The following NSD3 variants were observed in gnomAD, a reference collection of about 807,000 sequenced individuals.
NSD3 encodes histone-lysine N-methyltransferase NSD3.
Under a neutral mutation model 160.8 loss-of-function variants are expected in NSD3, and 24 were observed. That is an observed-to-expected ratio of 0.15 (90% CI 0.11 to 0.21). The LOEUF (loss-of-function observed/expected upper bound fraction) is 0.21. NSD3 is among the 10% of genes least tolerant of loss of function. The pLI is 1.00. For missense variants in NSD3, 1,157 were observed against 1,735.9 expected (o/e 0.67, Z 5.93); for synonymous variants, 520 against 600.0 (o/e 0.87, Z 1.95).
In NSD3 at chr8:38,370,137, C is replaced by T. The variant is rs191588719; in HGVS notation, c.-45+11662G>A. 3.0e-3 allele frequency among the ~76,000 whole-genome samples: 462 copies of T among 152,082 alleles called. 1 individual carries two copies. The highest frequency in any genetic ancestry group is 5.7e-3 in the Non-Finnish European group (385 of 67,996). Reference sequence around the variant, plus strand: ...AAAATGTTTTGTTAAACGGCTTAAGCGAACATAACAAAAGAACAACTTTCG... The same window carrying T: ...AAAATGTTTTGTTAAACGGCTTAAGTGAACATAACAAAAGAACAACTTTCG... On this transcript the variant is annotated intron_variant, in intron 1 of 23. Transcript: ENST00000317025.
intron 17 of NSD3, among the ~76,000 whole-genome samples, chr8:38,290,150 A>C (rs1316977352): frequency 1.3e-5 from 2 of 152,048 alleles, no homozygotes; most frequent in Non-Finnish European, 2.9e-5. Context: ...CTGGAGTTCA[A>C]GGCTGCAGTG....
intron 1 of NSD3, among the ~76,000 whole-genome samples, chr8:38,348,693 ACT>A (rs569335573): frequency 3.0e-4 from 46 of 152,040 alleles, no homozygotes; most frequent in Middle Eastern, 3.4e-3. Context: ...ACAGAATCTC[ACT>A]CTGTCACCCA....
intron 19 of NSD3, among the ~76,000 whole-genome samples, chr8:38,283,076 TC>T (rs1326929549): frequency 6.6e-6 from 1 of 152,202 alleles, no homozygotes; most frequent in Admixed American, 6.5e-5. Context: ...ATCGTTATGT[TC>T]CCACCAGCAG....
chr8:38,316,568 A>G lies in NSD3; in HGVS notation c.1856-526T>C, dbSNP rs1436096137. 9 of 1,050,184 alleles carry G rather than the reference A, an allele frequency of 8.6e-6. No homozygotes were observed. The highest frequency in any genetic ancestry group is 1.0e-5 in the Non-Finnish European group (9 of 869,856). The allele number at this position is 1,050,184 out of a possible 1,614,324, so 65.1% of individuals were successfully genotyped here. A position where few individuals can be genotyped will look rare whatever the true frequency, so the allele number is the denominator to read the frequency against. ...ATTATTGCCCCCCAATAAAATTTGG[A>G]TGTTCATAATTGTTCATCTGAGACT... On this transcript the variant is annotated intron_variant, in intron 9 of 23. Coordinates refer to ENST00000317025, the MANE Select transcript of NSD3 (RefSeq NM_023034.2). The surrounding 1 kb of genome is among the most constrained non-coding windows in gnomAD (Gnocchi z 4.5).
intron 7 of NSD3, among the ~76,000 whole-genome samples, chr8:38,322,036 C>T (rs1453605743): frequency 6.6e-6 from 1 of 152,104 alleles, no homozygotes; most frequent in African/African-American, 2.4e-5. Flanking sequence ...GTTTTCAGTG[C>T]CTGGACCACC....
Position 38,321,011 on chromosome 8 carries a change from G to A in NSD3, c.1809+61C>T, listed in dbSNP as rs781686109. The A allele has an allele frequency of 1.4e-6, 2 of 1,475,880 alleles. No homozygotes were observed. The highest frequency in any genetic ancestry group is 1.7e-5 in the Admixed American group (1 of 58,928). The allele number at this position is 1,475,880 out of a possible 1,614,324, so 91.4% of individuals were successfully genotyped here. On this transcript the variant is annotated intron_variant, in intron 8 of 23. Transcript: ENST00000317025. The surrounding 1 kb of genome is among the most constrained non-coding windows in gnomAD (Gnocchi z 4.7). ...AAAGTTTCTCTTTCTTTTAAGACAG[G>A]AATGTAAGCCACAACATTTACAAAT... is the stretch of plus-strand genomic sequence containing the variant.
chr8:38,356,385 C>G (rs1810824619), intron 1 of NSD3, among the ~76,000 whole-genome samples: 1 of 151,898 alleles, frequency 6.6e-6, no homozygotes, highest in Non-Finnish European at 1.5e-5. Context: ...AATCCTTAAG[C>G]CAAATCACAG....
intron 16 of NSD3, among the ~76,000 whole-genome samples, chr8:38,293,532 G>C (rs1809058271): frequency 6.6e-6 from 1 of 151,890 alleles, no homozygotes; most frequent in South Asian, 2.1e-4. Context: ...CCTGGCAACA[G>C]AGCGAGACCC....
chr8:38,290,413 G>T (rs559386773), intron 17 of NSD3, 62 bp downstream of exon 17: 136 of 1,525,302 alleles, frequency 8.9e-5, no homozygotes, highest in Non-Finnish European at 1.2e-4. Context: ...GAGGTGAGGA[G>T]ATGTTGAGAA....
intron 1 of NSD3, among the ~76,000 whole-genome samples, chr8:38,351,044 C>G (rs1372513807): frequency 1.3e-5 from 2 of 150,888 alleles, no homozygotes; most frequent in Non-Finnish European, 3.0e-5. Flanking sequence ...CAATCTTAGC[C>G]CACTGCAAGC....
chr8:38,279,586 A>G lies in NSD3; in HGVS notation c.3714T>C (p.Asn1238=). The part of the protein sequence containing the change: ...PNCETQKWTV[N]GDVRVGLFAL... Reference sequence around the variant, plus strand: ...CAAATAGTCCCACTCGAACATCTCCATTCACTGTCCACTTTTGTGTTTCAC... The same window carrying G: ...CAAATAGTCCCACTCGAACATCTCCGTTCACTGTCCACTTTTGTGTTTCAC... The change falls in exon 21 of 24, where the codon AAT becomes AAC. Residue 1238 remains asparagine, a synonymous_variant. Coordinates refer to ENST00000317025, the MANE Select transcript of NSD3 (RefSeq NM_023034.2). 1 of 1,614,118 alleles carries G rather than the reference A, an allele frequency of 6.2e-7. No individual in the cohort carries two copies. Among genetic ancestry groups the G allele is most frequent in the Non-Finnish European group, 8.5e-7 (1 of 1,179,994 alleles).
chr8:38,373,082 A>G (rs1811296662), intron 1 of NSD3, among the ~76,000 whole-genome samples: 1 of 152,026 alleles, frequency 6.6e-6, no homozygotes, highest in Admixed American at 6.6e-5. Flanking sequence ...GAAAAAAAGA[A>G]AAAAGAAAAA....
intron 4 of NSD3, among the ~76,000 whole-genome samples, chr8:38,333,978 C>T (rs1168390531): frequency 6.6e-6 from 1 of 152,166 alleles, no homozygotes; most frequent in Admixed American, 6.5e-5. Flanking sequence ...GAAAGCAACA[C>T]AGGAGATTCA....
intron 14 of NSD3, among the ~76,000 whole-genome samples, chr8:38,300,491 A>C (rs1369777962): frequency 1.3e-5 from 2 of 152,216 alleles, no homozygotes; most frequent in Non-Finnish European, 2.9e-5. Flanking sequence ...TAAAGGAGCC[A>C]TAATTTCCTG....
intron 12 of NSD3, 75 bp from the exon 13 acceptor site, chr8:38,305,520 C>A: frequency 7.0e-7 from 1 of 1,423,486 alleles, no homozygotes; most frequent in Admixed American, 1.9e-5. Flanking sequence ...CTACAGACAT[C>A]AAACAGCTAC....
chr8:38,366,063 A>G (rs1201522325), intron 1 of NSD3, among the ~76,000 whole-genome samples: 1 of 148,102 alleles, frequency 6.8e-6, no homozygotes, highest in Non-Finnish European at 1.5e-5. Flanking sequence ...GTGGGCCAAG[A>G]TCGCACCTCT....
intron 1 of NSD3, among the ~76,000 whole-genome samples, chr8:38,348,416 T>C (rs1179202836): frequency 9.2e-5 from 14 of 152,224 alleles, no homozygotes. Flanking sequence ...GCTTATCTGT[T>C]TGAAACTCCT....
intron 3 of NSD3, 43 bp downstream of exon 3, chr8:38,338,493 T>C: frequency 6.7e-7 from 1 of 1,497,848 alleles, no homozygotes; most frequent in Non-Finnish European, 9.3e-7. Context: ...TTTCACCTTC[T>C]TCCACCATAT....
intron 17 of NSD3, 82 bp from the exon 18 acceptor site, chr8:38,289,587 C>G (rs1311727508): frequency 2.4e-6 from 3 of 1,227,444 alleles, no homozygotes; most frequent in African/African-American, 3.0e-5. Flanking sequence ...GCTGCCTTCC[C>G]AATGCTTTGC....
Sources: allele counts gnomAD v4.1 joint callset (sites outside exome capture counted in the v4.1 genomes callset), GRCh38; gene constraint gnomAD v4.1.1; non-coding constraint Gnocchi (gnomAD v3.1); transcripts MANE v1.5; gene names NCBI Gene and HGNC (gene_info 2026-07-23, HGNC 2026-07-21).